The following PTGFRN variants were observed in gnomAD, a reference collection of about 807,000 sequenced individuals.
PTGFRN encodes prostaglandin F2 receptor inhibitor.
A neutral mutation model predicts 83.2 loss-of-function variants in PTGFRN; 35 were observed. That is an observed-to-expected ratio of 0.42 (90% CI 0.32 to 0.56). PTGFRN has a LOEUF of 0.56. Among genes scored for constraint, PTGFRN ranks in the 20% least tolerant of loss-of-function variants. The pLI is 0.11. For synonymous variants in PTGFRN, 519 were observed against 498.6 expected (o/e 1.04, Z -0.55); for missense variants, 1,051 against 1,179.5 (o/e 0.89, Z 1.60).
intron 2 of PTGFRN, 91 bp from the exon 3 acceptor site, chr1:116,944,588 A>C: frequency 8.1e-7 from 1 of 1,237,114 alleles, no homozygotes; most frequent in African/African-American, 1.6e-5. Flanking sequence ...GAAAGGGAGG[A>C]GGAAATTGTC....
At chr1:116,979,963 G>A (rs570448452) in intron 7 of PTGFRN, among the ~76,000 whole-genome samples, 8 of 152,278 alleles carry the variant, frequency 5.3e-5, no homozygotes, top group Admixed American at 2.6e-4. Context: ...AATTTTTGCA[G>A]TCTACTCATC....
intron 4 of PTGFRN, among the ~76,000 whole-genome samples, chr1:116,960,472 C>T (rs995680645): frequency 6.6e-6 from 1 of 152,076 alleles, no homozygotes; most frequent in Non-Finnish European, 1.5e-5. Context: ...GAAACAGGAC[C>T]GTGGCAGAGG....
At chr1:116,944,544 T>C in intron 2 of PTGFRN, 135 bp from the exon 3 acceptor site, 1 of 871,084 alleles carries the variant, frequency 1.1e-6, no homozygotes, top group South Asian at 4.2e-5. Flanking sequence ...ATGAATCCAG[T>C]TGGGAAAACG....
chr1:116,948,219 T>G (rs987172427), intron 3 of PTGFRN, among the ~76,000 whole-genome samples: 6 of 152,210 alleles, frequency 3.9e-5, no homozygotes, highest in African/African-American at 1.4e-4. Context: ...TTGATGTTTT[T>G]CTACTCAGAT....
chr1:116,924,860 T>G (rs761640734), intron 1 of PTGFRN, among the ~76,000 whole-genome samples: 7 of 152,172 alleles, frequency 4.6e-5, no homozygotes, highest in Non-Finnish European at 8.8e-5. Flanking sequence ...TCAGCAGGCA[T>G]GCTGCTGGGC....
chr1:116,919,136 G>A (rs371590208), intron 1 of PTGFRN, among the ~76,000 whole-genome samples: 14 of 152,318 alleles, frequency 9.2e-5, no homozygotes, highest in East Asian at 5.8e-4. Context: ...TTTATTCAGA[G>A]TTTCTGCCTC....
At chr1:116,912,043 C>T (rs1219081191) in intron 1 of PTGFRN, among the ~76,000 whole-genome samples, 1 of 152,110 alleles carries the variant, frequency 6.6e-6, no homozygotes. Context: ...ACCTGGGTAC[C>T]AGTTATGAGG....
At chr1:116,959,783 G>C (rs903025609) in intron 4 of PTGFRN, among the ~76,000 whole-genome samples, 2 of 152,072 alleles carry the variant, frequency 1.3e-5, no homozygotes, top group Non-Finnish European at 2.9e-5. Flanking sequence ...AGACCAGCCT[G>C]TCCAACATGG....
chr1:116,945,060 T>C lies in PTGFRN; in HGVS notation c.800T>C (p.Val267Ala). ...GNWQEIQEKA[V>A]EVATVVIQPS... The stretch of plus-strand genomic sequence containing the variant: ...TGGCAGGAAATCCAAGAAAAGGCCG[T>C]GGAAGTTGCCACCGTGGTGATCCAG... Residue 267 changes from valine (V) to alanine (A), a missense_variant, in exon 3 of 9, where the codon GTG becomes GCG. Transcript: ENST00000393203. 1.9e-6 allele frequency: 3 copies of C among 1,613,416 alleles called. No homozygotes were observed. Among genetic ancestry groups the C allele is most frequent in the Non-Finnish European group, 2.5e-6 (3 of 1,179,824 alleles).
intron 1 of PTGFRN, among the ~76,000 whole-genome samples, chr1:116,932,929 C>T (rs1649834077): frequency 6.6e-6 from 1 of 152,184 alleles, no homozygotes; most frequent in African/African-American, 2.4e-5. Flanking sequence ...TATTCAACTT[C>T]TTTGATTCTC....
In PTGFRN at chr1:116,910,064, C is replaced by T; in HGVS notation, c.-140C>T. 3 of 934,790 alleles carry T rather than the reference C, an allele frequency of 3.2e-6. No homozygotes were observed. The highest frequency in any genetic ancestry group is 4.9e-6 in the Non-Finnish European group (3 of 610,088). The allele number at this position is 934,790 out of a possible 1,614,324, so 57.9% of individuals were successfully genotyped here. A position where few individuals can be genotyped will look rare whatever the true frequency, so the allele number is the denominator to read the frequency against. On this transcript the variant is annotated 5_prime_UTR_variant, in exon 1 of 9. Coordinates refer to ENST00000393203, the MANE Select transcript of PTGFRN (RefSeq NM_020440.4). ...CGTACGCCCCAGCGCTGGGATTTAT[C>T]GGCTCGCGAGGAGAGCGGAGCAGGC... is the stretch of plus-strand genomic sequence containing the variant.
At chr1:116,936,054 T>C (rs1329940751) in intron 1 of PTGFRN, among the ~76,000 whole-genome samples, 1 of 152,212 alleles carries the variant, frequency 6.6e-6, no homozygotes, top group Non-Finnish European at 1.5e-5. Context: ...TTTGAAACAC[T>C]GGTAGAACTT....
chr1:116,944,177 C>T (rs908968269), intron 2 of PTGFRN, among the ~76,000 whole-genome samples: 14 of 152,218 alleles, frequency 9.2e-5, no homozygotes, highest in South Asian at 2.1e-4. Flanking sequence ...TCTAGAAGGT[C>T]ACCTTATCTG....
intron 2 of PTGFRN, 127 bp from the exon 3 acceptor site, chr1:116,944,552 A>T: frequency 1.1e-6 from 1 of 948,956 alleles, no homozygotes; most frequent in Non-Finnish European, 1.4e-6. Flanking sequence ...AGTTGGGAAA[A>T]CGTGCCCATC....
In PTGFRN at chr1:116,923,830, C is replaced by T. The variant is rs370053745; in HGVS notation, c.49+13578C>T. Among the ~76,000 whole-genome samples, 1 of 152,158 alleles carries T rather than the reference C, an allele frequency of 6.6e-6. No individual in the cohort carries two copies. The highest frequency in any genetic ancestry group is 2.4e-5 in the African/African-American group (1 of 41,412). On this transcript the variant is annotated intron_variant, in intron 1 of 8. Transcript: ENST00000393203. This position sits in a 1 kb window ranked among gnomAD's most constrained non-coding sequence, Gnocchi z 4.0. The stretch of plus-strand genomic sequence containing the variant: ...GGTCTCACTGGGTAGTTAATAACCA[C>T]TATTTATTATCTGCCCCATGTCGAG...
Position 116,961,200 on chromosome 1 carries a change from C to T in PTGFRN, c.1214-43C>T. On this transcript the variant is annotated intron_variant, in intron 4 of 8. Coordinates refer to ENST00000393203, the MANE Select transcript of PTGFRN (RefSeq NM_020440.4). The surrounding 1 kb of genome is among the most constrained non-coding windows in gnomAD (Gnocchi z 5.4). ...CCTTTTGTTAATTCTTGCCATGTTA[C>T]TCTAATTATTTTCCTATCCTGGCCT... 1 of 1,483,502 alleles carries T rather than the reference C, an allele frequency of 6.7e-7. No homozygotes were observed. Among genetic ancestry groups the T allele is most frequent in the Non-Finnish European group, 9.0e-7 (1 of 1,113,496 alleles). 91.9% of individuals were successfully genotyped at this position (1,483,502 alleles called of 1,614,324 possible). A position where few individuals can be genotyped will look rare whatever the true frequency, so the allele number is the denominator to read the frequency against.
chr1:116,988,183 G>A lies in PTGFRN; in HGVS notation c.*1216G>A, dbSNP rs930103897. 10 of 152,162 alleles carry A rather than the reference G, an allele frequency of 6.6e-5. No individual in the cohort carries two copies. Among genetic ancestry groups the A allele is most frequent in the African/African-American group, 1.9e-4 (8 of 41,416 alleles). The allele number at this position is 152,162 out of a possible 1,614,324, so 9.4% of individuals were successfully genotyped here. On this transcript the variant is annotated 3_prime_UTR_variant, in exon 9 of 9. Transcript: ENST00000393203. ...GGTCATTTTAAGGTCCACTGCAGGGGGTTAGTGAGAAAGGGTATACTTTGT... is the reference window on the plus strand; with the variant it reads ...GGTCATTTTAAGGTCCACTGCAGGGAGTTAGTGAGAAAGGGTATACTTTGT...
At chr1:116,929,053 T>G (rs973887420) in intron 1 of PTGFRN, among the ~76,000 whole-genome samples, 8 of 152,168 alleles carry the variant, frequency 5.3e-5, no homozygotes, top group African/African-American at 1.9e-4. Context: ...ACATTTAAAA[T>G]GACCAGAAGA....
chr1:116,910,962 C>T (rs1161505164), intron 1 of PTGFRN, among the ~76,000 whole-genome samples: 2 of 152,138 alleles, frequency 1.3e-5, no homozygotes, highest in East Asian at 1.9e-4. Flanking sequence ...CCCTTACTAT[C>T]CCCTCGTCTT....
Sources: allele counts gnomAD v4.1 joint callset (sites outside exome capture counted in the v4.1 genomes callset), GRCh38; gene constraint gnomAD v4.1.1; non-coding constraint Gnocchi (gnomAD v3.1); transcripts MANE v1.5; gene names NCBI Gene and HGNC (gene_info 2026-07-23, HGNC 2026-07-21).